The following EXPH5 variants were observed in gnomAD, a reference collection of about 807,000 sequenced individuals.
EXPH5 encodes the protein exophilin 5, also known as exophilin-5.
A neutral mutation model predicts 41.1 loss-of-function variants in EXPH5; 42 were observed. The observed-to-expected ratio is 1.02, with a 90% confidence interval of 0.80 to 1.32. The LOEUF is 1.32. EXPH5 is among the 40% of genes most tolerant of loss of function. The probability of loss-of-function intolerance (pLI) is 0.00; values close to 1 mark genes in which losing one functional copy is unlikely to be tolerated. For missense variants in EXPH5, 2,298 were observed against 2,314.5 expected (o/e 0.99, Z 0.15); for synonymous variants, 798 against 833.5 (o/e 0.96, Z 0.73).
chr11:108,544,649 C>T (rs2136040650), intron 1 of EXPH5, among the ~76,000 whole-genome samples: 1 of 152,310 alleles, frequency 6.6e-6, no homozygotes, highest in South Asian at 2.1e-4. Context: ...ATTTATCTTA[C>T]AGCAATAACC....
chr11:108,530,449 G>A (rs2093830033), intron 3 of EXPH5, among the ~76,000 whole-genome samples: 1 of 152,190 alleles, frequency 6.6e-6, no homozygotes, highest in Non-Finnish European at 1.5e-5. Flanking sequence ...CACTTCCTGG[G>A]ACAAACAGGG....
Position 108,509,744 on chromosome 11 carries a change from G to A in EXPH5, c.5763C>T (p.Phe1921=), listed in dbSNP as rs2093664003. Residue 1921 remains phenylalanine, a synonymous_variant, in exon 6 of 6, where the codon TTC becomes TTT. Transcript: ENST00000265843. ...WKPSFLKNPG[F]LKDDLRNPPN... ...GAGGGTTCCTCAAATCATCTTTTAG[G>A]AAGCCAGGGTTCTTAAGAAAACTTG... 6.2e-7 allele frequency: 1 copy of A among 1,607,254 alleles called. No homozygotes were observed. The highest frequency in any genetic ancestry group is 8.5e-7 in the Non-Finnish European group (1 of 1,178,024).
chr11:108,511,292 T>C lies in EXPH5; in HGVS notation c.4215A>G (p.Val1405=), dbSNP rs199636293. The change falls in exon 6 of 6, where the codon GTA becomes GTG. Residue 1405 remains valine (V), a synonymous_variant. Coordinates refer to ENST00000265843, the MANE Select transcript of EXPH5 (RefSeq NM_015065.3). The stretch of plus-strand genomic sequence containing the variant: ...GACAATTTTCAGATTTTTCTTCGGA[T>C]ACATTTTTTCTCTGAAGCATCAATG... ...HTSLMLQRKN[V]SEEKSENCQQ... is the part of the protein sequence containing the mutation. The C allele has an allele frequency of 1.4e-5, 23 of 1,602,946 alleles. No individual in the cohort carries two copies. The Admixed American group carries it at 1.9e-4, about 13-fold the overall frequency.
chr11:108,543,734 G>A (rs1233927190), intron 1 of EXPH5, among the ~76,000 whole-genome samples: 6 of 152,138 alleles, frequency 3.9e-5, no homozygotes, highest in East Asian at 1.9e-4. Flanking sequence ...TAAAATATTC[G>A]AGAAAGAAGC....
chr11:108,582,687 T>C (rs367560210), intron 1 of EXPH5, among the ~76,000 whole-genome samples: 4 of 152,362 alleles, frequency 2.6e-5, no homozygotes, highest in East Asian at 1.9e-4. Flanking sequence ...ACAACAGACA[T>C]GTTTCACAGT....
Position 108,593,570 on chromosome 11 carries a change from C to T in EXPH5, c.-34G>A. 1.2e-6 allele frequency: 2 copies of T among 1,613,820 alleles called. No homozygotes were observed. The highest frequency in any genetic ancestry group is 1.3e-5 in the African/African-American group (1 of 74,990). ...CTGTGTGTGAGTTACACTTAAGCTC[C>T]TTGGCGCCTCCTGTTAGGAAGGCAT... On this transcript the variant is annotated 5_prime_UTR_variant, in exon 1 of 6. Transcript: ENST00000265843.
At chr11:108,524,971 A>G (rs1441105580) in intron 4 of EXPH5, among the ~76,000 whole-genome samples, 1 of 152,162 alleles carries the variant, frequency 6.6e-6, no homozygotes, top group Non-Finnish European at 1.5e-5. Context: ...GTGTTGTGGG[A>G]GGGACCCAGT....
chr11:108,580,234 G>A (rs1182591382), intron 1 of EXPH5, among the ~76,000 whole-genome samples: 3 of 152,188 alleles, frequency 2.0e-5, no homozygotes, highest in East Asian at 1.9e-4. Context: ...ATTTAAAAAT[G>A]GGCAAATGAT....
At chr11:108,516,481 C>T (rs990685468) in intron 5 of EXPH5, among the ~76,000 whole-genome samples, 1 of 151,926 alleles carries the variant, frequency 6.6e-6, no homozygotes, top group African/African-American at 2.4e-5. Context: ...TGTGTAGACT[C>T]TCTAAGACCC....
intron 1 of EXPH5, chr11:108,551,885 G>A (rs1454303475): frequency 6.6e-6 from 1 of 152,162 alleles, no homozygotes; most frequent in African/African-American, 2.4e-5. Context: ...ACAAGGAAAA[G>A]CACAAATGGA....
At chr11:108,577,646 C>A (rs2094084318) in intron 1 of EXPH5, among the ~76,000 whole-genome samples, 1 of 152,138 alleles carries the variant, frequency 6.6e-6, no homozygotes, top group African/African-American at 2.4e-5. Flanking sequence ...TGATCTCGAA[C>A]TCCTGACCTC....
At chr11:108,600,842 T>C in the EXPH5 span, among the ~76,000 whole-genome samples, 22 of 152,374 alleles carry the variant, frequency 1.4e-4, 1 homozygote, top group South Asian at 4.6e-3. Flanking sequence ...TTGTTTCACA[T>C]GGTCAGGTGT....
At chr11:108,558,218 C>T (rs1792665809) in intron 1 of EXPH5, among the ~76,000 whole-genome samples, 1 of 152,120 alleles carries the variant, frequency 6.6e-6, no homozygotes, top group Admixed American at 6.5e-5. Flanking sequence ...GCTTGGATTA[C>T]AGGTGTCAGC....
chr11:108,524,285 C>T (rs2135968678), intron 4 of EXPH5, among the ~76,000 whole-genome samples: 1 of 152,318 alleles, frequency 6.6e-6, no homozygotes, highest in Non-Finnish European at 1.5e-5. Context: ...GCAACAATAA[C>T]AATACCCATT....
intron 1 of EXPH5, among the ~76,000 whole-genome samples, chr11:108,590,967 C>T (rs557509988): frequency 4.2e-4 from 64 of 152,292 alleles, no homozygotes; most frequent in Non-Finnish European, 6.8e-4. Flanking sequence ...CTATAGGGTG[C>T]CTGTATTTCT....
chr11:108,566,941 G>A (rs2094037306), intron 1 of EXPH5, among the ~76,000 whole-genome samples: 1 of 152,190 alleles, frequency 6.6e-6, no homozygotes, highest in African/African-American at 2.4e-5. Context: ...ATTCAGCTGA[G>A]AGACAGAGCT....
In EXPH5 at chr11:108,514,037, C is replaced by T; in HGVS notation, c.1470G>A (p.Trp490Ter). The change falls in exon 6 of 6, where the codon TGG becomes TGA. Residue 490 changes from tryptophan (W) to a stop codon, truncating the protein, a stop_gained. Coordinates refer to ENST00000265843, the MANE Select transcript of EXPH5 (RefSeq NM_015065.3). LOFTEE classifies it low-confidence loss of function (END_TRUNC). The part of the protein sequence containing the change: ...FWGQEKGHSF[W>*]SDFHRSRKSF... ...ATTTCCTGCTTCGATGAAAGTCAGA[C>T]CAGAAAGAATGTCCTTTCTCTTGGC... The T allele has an allele frequency of 2.5e-6, 4 of 1,614,074 alleles. No homozygotes were observed. The highest frequency in any genetic ancestry group is 3.4e-6 in the Non-Finnish European group (4 of 1,179,978).
Position 108,593,439 on chromosome 11 carries a change from C to G in EXPH5, c.98G>C (p.Arg33Thr), listed in dbSNP as rs762739484. The G allele has an allele frequency of 3.5e-5, 57 of 1,613,992 alleles. No homozygotes were observed. Among genetic ancestry groups the G allele is most frequent in the Non-Finnish European group, 4.6e-5 (54 of 1,179,954 alleles). ...GTACCTGATCCTGTCCTTCTCGGCC[C>G]TCTGTAACTCCTCATTCCTTTCCAG... ...QVLERNEELQ[R>T]AEKDRISKLQ... Residue 33 changes from arginine (R) to threonine (T), a missense_variant, in exon 1 of 6, where the codon AGG becomes ACG. Arg to Thr is a moderately conservative substitution (Grantham distance 71). Transcript: ENST00000265843.
intron 1 of EXPH5, among the ~76,000 whole-genome samples, chr11:108,569,421 C>T (rs1173684462): frequency 1.3e-5 from 2 of 150,042 alleles, no homozygotes; most frequent in African/African-American, 2.5e-5. Flanking sequence ...CTCACTGCAA[C>T]CTCCGCCTCC....
Sources: gnomAD v4.1 joint callset for allele counts (sites outside exome capture counted in the v4.1 genomes callset) on GRCh38, gnomAD v4.1.1 for gene constraint, MANE v1.5 for transcripts, NCBI Gene and HGNC (gene_info 2026-07-23, HGNC 2026-07-21) for gene names.